UGT1A9: variants seen among roughly 807,000 people sequenced by gnomAD.
The protein encoded by UGT1A9 is UDP glucuronosyltransferase family 1 member A9.
A neutral mutation model predicts 45.0 loss-of-function variants in UGT1A9; 35 were observed. The ratio of observed to expected loss-of-function variants is 0.78; its 90% CI spans 0.59 to 1.03. UGT1A9 has a LOEUF of 1.03. Ranked by LOEUF, UGT1A9 falls within the 50% of genes least tolerant of loss-of-function variation. The pLI, the probability that UGT1A9 is intolerant of heterozygous loss-of-function variation, is 0.00. For synonymous variants in UGT1A9, 278 were observed against 250.6 expected (o/e 1.11, Z -1.03); for missense variants, 687 against 666.6 (o/e 1.03, Z -0.34).
chr2:233,728,830 A>G (rs2077754446), intron 1 of UGT1A9, among the ~76,000 whole-genome samples: 1 of 152,224 alleles, frequency 6.6e-6, no homozygotes. Context: ...GGGTGTTCAC[A>G]GCCTTGTGTT....
chr2:233,690,380 C>A, intron 1 of UGT1A9: 1 of 988,558 alleles, frequency 1.0e-6, no homozygotes, highest in Non-Finnish European at 1.4e-6. Flanking sequence ...ATAGGGTCCA[C>A]GTTTCCAGAC....
Position 233,768,439 on chromosome 2 carries a change from G to A in UGT1A9, c.1295G>A (p.Ser432Asn), listed in dbSNP as rs1306719122. The change falls in exon 4 of 5, where the codon AGT becomes AAT. Residue 432 changes from serine (S) to asparagine (N), a missense_variant and splice_region_variant. Coordinates refer to ENST00000354728, the MANE Select transcript of UGT1A9 (RefSeq NM_021027.3). ...NALKAVINDK[S>N]YKENIMRLSS... The stretch of plus-strand genomic sequence containing the variant: ...CTAAAAGCAGTCATCAATGACAAAA[G>A]GTAAGAAAGAAGATACAGAAGAATA... 3.1e-6 allele frequency: 5 copies of A among 1,613,244 alleles called. No individual in the cohort carries two copies. The highest frequency in any genetic ancestry group is 1.3e-5 in the African/African-American group (1 of 74,970).
chr2:233,709,990 G>T (rs1439015971), intron 1 of UGT1A9, among the ~76,000 whole-genome samples: 1 of 152,156 alleles, frequency 6.6e-6, no homozygotes, highest in Admixed American at 6.5e-5. Context: ...CATCTGAATG[G>T]AATCATACAA....
chr2:233,678,264 C>T (rs1040273160), intron 1 of UGT1A9, among the ~76,000 whole-genome samples: 1 of 152,188 alleles, frequency 6.6e-6, no homozygotes, highest in African/African-American at 2.4e-5. Context: ...CAGCATCACA[C>T]AATATACTCA....
intron 1 of UGT1A9, chr2:233,729,110 C>T: frequency 6.2e-7 from 1 of 1,612,868 alleles, no homozygotes; most frequent in Non-Finnish European, 8.5e-7. Context: ...AGTCAGCTGT[C>T]CGTGTCTTCT....
intron 1 of UGT1A9, among the ~76,000 whole-genome samples, chr2:233,702,761 G>T (rs2125590907): frequency 1.3e-5 from 2 of 152,252 alleles, no homozygotes; most frequent in South Asian, 4.1e-4. Flanking sequence ...AGTGATATGT[G>T]TTAATTGATT....
At chr2:233,753,836 T>C (rs1228846526) in intron 1 of UGT1A9, among the ~76,000 whole-genome samples, 5 of 152,234 alleles carry the variant, frequency 3.3e-5, no homozygotes, top group African/African-American at 1.2e-4. Context: ...AAGACAGTCC[T>C]AGTATATCAT....
chr2:233,743,547 C>A (rs201114978), intron 1 of UGT1A9: 1 of 1,367,292 alleles, frequency 7.3e-7, no homozygotes, highest in South Asian at 1.1e-5. Flanking sequence ...TCTGACCCCC[C>A]CAAAATATTC....
At chr2:233,682,245 G>A (rs1291217624) in intron 1 of UGT1A9, 4 of 1,614,104 alleles carry the variant, frequency 2.5e-6, no homozygotes, top group Non-Finnish European at 3.4e-6. Context: ...GCACCATTGC[G>A]AAGTGCATTT....
chr2:233,767,304 G>T, intron 2 of UGT1A9, 139 bp downstream of exon 2: 23 of 1,525,164 alleles, frequency 1.5e-5, no homozygotes, highest in South Asian at 2.6e-5. Context: ...TTAATCCAAA[G>T]GTTTTTTTTG....
intron 1 of UGT1A9, among the ~76,000 whole-genome samples, chr2:233,739,549 T>C (rs1346005869): frequency 6.6e-6 from 1 of 152,244 alleles, no homozygotes; most frequent in Non-Finnish European, 1.5e-5. Context: ...AGCTTTAAGA[T>C]TTAATGACTG....
rs749630489 is a variant in UGT1A9, at chr2:233,719,276, C to A, written c.855+46487C>A. On this transcript the variant is annotated intron_variant, in intron 1 of 4. Coordinates refer to ENST00000354728, the MANE Select transcript of UGT1A9 (RefSeq NM_021027.3). ...CTTCCTTTGATGTGGTTTTAACAGA[C>A]CCCGTTAACCTCTGTGGGGCGGTGC... is the stretch of plus-strand genomic sequence containing the variant. 1.5e-5 allele frequency: 25 copies of A among 1,614,000 alleles called. No individual in the cohort carries two copies. The Admixed American group carries it at 3.3e-4, about 22-fold the overall frequency.
At chr2:233,743,412 T>C (rs1692284250) in intron 1 of UGT1A9, 48 of 1,321,888 alleles carry the variant, frequency 3.6e-5, no homozygotes, top group Non-Finnish European at 4.8e-5. Flanking sequence ...GGCCCCCACT[T>C]CCCAGGGAGC....
At chr2:233,735,331 C>A (rs2078638880) in intron 1 of UGT1A9, among the ~76,000 whole-genome samples, 1 of 152,064 alleles carries the variant, frequency 6.6e-6, no homozygotes, top group Non-Finnish European at 1.5e-5. Context: ...AGGATTGCAA[C>A]CCCTGCTTTT....
chr2:233,756,388 A>G (rs1696196627), intron 1 of UGT1A9: 1 of 152,140 alleles, frequency 6.6e-6, no homozygotes, highest in Admixed American at 6.5e-5. Flanking sequence ...TAGTTGTTTT[A>G]CAGTATTGGT....
intron 1 of UGT1A9, chr2:233,682,701 C>T (rs543841942): frequency 3.1e-6 from 5 of 1,613,766 alleles, no homozygotes; most frequent in South Asian, 2.2e-5. Context: ...TTGTTGCGAA[C>T]TGACTTTGTT....
intron 1 of UGT1A9, among the ~76,000 whole-genome samples, chr2:233,759,599 A>ACCCCCCCCCCC (rs1553620419): frequency 8.2e-4 from 89 of 108,630 alleles, no homozygotes; most frequent in African/African-American, 1.6e-3. Context: ...CCCACCCCCG[A>ACCCCCCCCCCC]CCCGCCCCAC....
At chr2:233,719,075 C>A in intron 1 of UGT1A9, 17 of 1,614,240 alleles carry the variant, frequency 1.1e-5, no homozygotes, top group Non-Finnish European at 1.4e-5. Flanking sequence ...TTCCATGGAC[C>A]CAGAAGGAAT....
intron 1 of UGT1A9, chr2:233,693,780 T>C (rs2125556695): frequency 1.2e-6 from 2 of 1,614,220 alleles, no homozygotes; most frequent in East Asian, 2.2e-5. Context: ...AGATATGACT[T>C]TGTGCTTGAA....
Sources: gnomAD v4.1 joint callset for allele counts (sites outside exome capture counted in the v4.1 genomes callset) on GRCh38, gnomAD v4.1.1 for gene constraint, MANE v1.5 for transcripts, NCBI Gene and HGNC (gene_info 2026-07-23, HGNC 2026-07-21) for gene names.